The following PDE1A variants were observed in gnomAD, a reference collection of about 807,000 sequenced individuals.
The protein encoded by PDE1A is phosphodiesterase 1A.
In PDE1A, 35 loss-of-function variants were observed where a neutral mutation model predicts 61.7. The ratio of observed to expected loss-of-function variants is 0.57; its 90% CI spans 0.43 to 0.75. The LOEUF (loss-of-function observed/expected upper bound fraction) is 0.75, where lower values mean the gene tolerates loss of function less well. PDE1A is among the 30% of genes least tolerant of loss of function. The probability of loss-of-function intolerance (pLI) is 0.00; values close to 1 mark genes in which losing one functional copy is unlikely to be tolerated. For synonymous variants in PDE1A, 232 were observed against 213.2 expected, an observed-to-expected ratio of 1.09 and a Z score of -0.77; for missense variants, 597 against 630.6, an observed-to-expected ratio of 0.95 and a Z score of 0.57.
chr2:182,417,250 G>A (rs1702977969), intron 1 of PDE1A, among the ~76,000 whole-genome samples: 1 of 152,136 alleles, frequency 6.6e-6, no homozygotes, highest in South Asian at 2.1e-4. Flanking sequence ...TCTTCCAGTT[G>A]CCTGTCAGAA....
the PDE1A span, among the ~76,000 whole-genome samples, chr2:182,540,151 G>T: frequency 6.6e-6 from 1 of 152,036 alleles, no homozygotes; most frequent in African/African-American, 2.4e-5. Flanking sequence ...ATCATTTGAG[G>T]TCAGGAGTTC....
chr2:182,309,493 G>T (rs1413429636), intron 1 of PDE1A, among the ~76,000 whole-genome samples: 1 of 152,006 alleles, frequency 6.6e-6, no homozygotes, highest in Admixed American at 6.6e-5. Flanking sequence ...TACCCAAAGT[G>T]TCAGAAGAAA....
At chr2:182,239,239 G>C (rs1426715562) in intron 3 of PDE1A, among the ~76,000 whole-genome samples, 1 of 152,072 alleles carries the variant, frequency 6.6e-6, no homozygotes, top group Non-Finnish European at 1.5e-5. Context: ...AAATAATGCA[G>C]TTTCTCTAAA....
At chr2:182,703,083 G>A in the PDE1A span, among the ~76,000 whole-genome samples, 3 of 152,202 alleles carry the variant, frequency 2.0e-5, no homozygotes, top group Admixed American at 6.5e-5. Context: ...CGCAACCAAC[G>A]AAATTGGTCT....
intron 2 of PDE1A, among the ~76,000 whole-genome samples, chr2:182,521,991 A>G (rs1316102083): frequency 6.6e-6 from 1 of 152,130 alleles, no homozygotes; most frequent in Non-Finnish European, 1.5e-5. Flanking sequence ...ACCTTTCTGC[A>G]TATCTGAACC....
intron 2 of PDE1A, among the ~76,000 whole-genome samples, chr2:182,433,494 A>C (rs934816769): frequency 4.6e-5 from 7 of 152,168 alleles, no homozygotes; most frequent in Middle Eastern, 3.4e-3. Flanking sequence ...TTGATCATGT[A>C]TATCAGGTAG....
At chr2:182,515,972 G>GTTTC (rs1291106742) in intron 2 of PDE1A, among the ~76,000 whole-genome samples, 41 of 143,824 alleles carry the variant, frequency 2.9e-4, no homozygotes, top group Non-Finnish European at 1.8e-4. Flanking sequence ...GTGTGTGTGT[G>GTTTC]TGTGTGTGTG....
At chr2:182,568,416 C>T in the PDE1A span, among the ~76,000 whole-genome samples, 1 of 152,284 alleles carries the variant, frequency 6.6e-6, no homozygotes, top group East Asian at 1.9e-4. Context: ...CGGTGGCTCA[C>T]GCCTGTAATC....
At chr2:182,663,399 A>C in the PDE1A span, among the ~76,000 whole-genome samples, 1 of 152,258 alleles carries the variant, frequency 6.6e-6, no homozygotes, top group African/African-American at 2.4e-5. Flanking sequence ...CACTATTAAT[A>C]ATAGCAAAGA....
At chr2:182,176,048 C>A (rs1692739378) in intron 13 of PDE1A, among the ~76,000 whole-genome samples, 1 of 149,398 alleles carries the variant, frequency 6.7e-6, no homozygotes. Flanking sequence ...ATCTATATCT[C>A]TGTTTTGGTA....
intron 13 of PDE1A, among the ~76,000 whole-genome samples, chr2:182,169,915 C>CAA (rs929287141): frequency 2.5e-5 from 2 of 80,684 alleles, no homozygotes; most frequent in African/African-American, 1.0e-4. Flanking sequence ...CACACACACA[C>CAA]ACACACGCAC....
At chr2:182,519,548 ATAACT>A (rs1208327385) in intron 2 of PDE1A, among the ~76,000 whole-genome samples, 1 of 151,994 alleles carries the variant, frequency 6.6e-6, no homozygotes. Flanking sequence ...TTCTTGGCAC[ATAACT>A]TTATATGGTG....
the PDE1A span, among the ~76,000 whole-genome samples, chr2:182,557,035 C>T: frequency 3.9e-5 from 6 of 152,212 alleles, no homozygotes; most frequent in Non-Finnish European, 8.8e-5. Context: ...TGGCTCATGC[C>T]TGTAATCCCA....
chr2:182,528,054 G>C (rs1233857239), upstream of PDE1A, among the ~76,000 whole-genome samples: 1 of 152,122 alleles, frequency 6.6e-6, no homozygotes, highest in East Asian at 1.9e-4. Flanking sequence ...GGTACCAGTA[G>C]AGTGGGGCAC....
At chr2:182,154,251 G>T (rs2125280424) in intron 13 of PDE1A, among the ~76,000 whole-genome samples, 1 of 152,282 alleles carries the variant, frequency 6.6e-6, no homozygotes, top group Middle Eastern at 3.4e-3. Context: ...AATGGAGAAT[G>T]TTGAATATGA....
At chr2:182,363,893 G>A (rs576590502) in intron 1 of PDE1A, among the ~76,000 whole-genome samples, 9 of 152,046 alleles carry the variant, frequency 5.9e-5, no homozygotes, top group South Asian at 2.1e-4. Flanking sequence ...GGCTCAGAAC[G>A]TATAGATGGA....
the PDE1A span, among the ~76,000 whole-genome samples, chr2:182,624,958 T>TTCATATG: frequency 6.6e-6 from 1 of 151,982 alleles, no homozygotes; most frequent in Non-Finnish European, 1.5e-5. Flanking sequence ...CCCCCAAAAT[T>TTCATATG]TCATATGTTG....
chr2:182,648,536 T>TAAAAAAAAAAAAAAAAAAAAAAAAAAA, the PDE1A span, among the ~76,000 whole-genome samples: 3 of 92,210 alleles, frequency 3.3e-5, no homozygotes, highest in African/African-American at 4.3e-5. Context: ...AAAAAAAAAT[T>TAAAAAAAAAAAAAAAAAAAAAAAAAAA]AAAAAAATTA....
At chr2:182,673,275 A>T in the PDE1A span, among the ~76,000 whole-genome samples, 1 of 152,210 alleles carries the variant, frequency 6.6e-6, no homozygotes, top group East Asian at 1.9e-4. Context: ...TCAAGTTTTG[A>T]TATTGTCTTC....
Sources: allele counts gnomAD v4.1 joint callset (sites outside exome capture counted in the v4.1 genomes callset), GRCh38; gene constraint gnomAD v4.1.1; transcripts MANE v1.5; gene names NCBI Gene and HGNC (gene_info 2026-07-23, HGNC 2026-07-21).